USO1: variants seen among roughly 807,000 people sequenced by gnomAD.
USO1 encodes USO1 vesicle transport factor.
Under a neutral mutation model 124.5 loss-of-function variants are expected in USO1, and 57 were observed. The observed-to-expected ratio is 0.46, with a 90% confidence interval of 0.37 to 0.57. The LOEUF (loss-of-function observed/expected upper bound fraction) is 0.57, where lower values mean the gene tolerates loss of function less well. Among genes scored for constraint, USO1 ranks in the 20% least tolerant of loss-of-function variants. The pLI, the probability that USO1 is intolerant of heterozygous loss-of-function variation, is 0.00. For synonymous variants in USO1, 369 were observed against 362.8 expected (o/e 1.02, Z -0.19); for missense variants, 900 against 1,040.6 (o/e 0.86, Z 1.86).
chr4:75,737,073 A>G (rs1720813269), intron 1 of USO1, among the ~76,000 whole-genome samples: 1 of 152,202 alleles, frequency 6.6e-6, no homozygotes, highest in African/African-American at 2.4e-5. Context: ...AAATCCAGCC[A>G]GTTATTGCCT....
chr4:75,740,102 G>A (rs1277095479), intron 1 of USO1, among the ~76,000 whole-genome samples: 1 of 152,122 alleles, frequency 6.6e-6, no homozygotes, highest in Admixed American at 6.6e-5. Flanking sequence ...GGAAGACAGA[G>A]GCAGGAGGAC....
At chr4:75,748,859 A>G (rs889972494) in intron 1 of USO1, among the ~76,000 whole-genome samples, 1 of 152,136 alleles carries the variant, frequency 6.6e-6, no homozygotes, top group Non-Finnish European at 1.5e-5. Flanking sequence ...TGCTTTGGAA[A>G]ACTATTTTGA....
intron 10 of USO1, among the ~76,000 whole-genome samples, chr4:75,789,742 C>T (rs1470491306): frequency 6.6e-6 from 1 of 151,850 alleles, no homozygotes; most frequent in Non-Finnish European, 1.5e-5. Context: ...TTTTTTAACT[C>T]TTTAAATTTG....
At chr4:75,749,632 A>C (rs921508614) in intron 1 of USO1, among the ~76,000 whole-genome samples, 5 of 151,864 alleles carry the variant, frequency 3.3e-5, no homozygotes, top group Non-Finnish European at 7.4e-5. Flanking sequence ...CTCCTGGCCT[A>C]AAGTACATTC....
intron 1 of USO1, among the ~76,000 whole-genome samples, chr4:75,742,575 A>G (rs1010437067): frequency 2.0e-5 from 3 of 152,212 alleles, no homozygotes; most frequent in Non-Finnish European, 2.9e-5. Flanking sequence ...GAAATTTTGG[A>G]AAAGTTACTT....
chr4:75,777,476 G>A (rs1044014687), intron 8 of USO1, among the ~76,000 whole-genome samples: 1 of 152,158 alleles, frequency 6.6e-6, no homozygotes, highest in South Asian at 2.1e-4. Flanking sequence ...AATATATTTA[G>A]AACTCTTAAA....
In USO1 at chr4:75,760,852, T is replaced by C. The variant is rs1006019058; in HGVS notation, c.295+3279T>C. ...ATTCTAGTGCACCTTTAAATAAAAT[T>C]AAAGGTTTTTCTGGCCAGGCGTGGT... is the stretch of plus-strand genomic sequence containing the variant. On this transcript the variant is annotated intron_variant, in intron 4 of 23. Coordinates refer to ENST00000514213, the MANE Select transcript of USO1 (RefSeq NM_003715.4). 3.9e-5 allele frequency among the ~76,000 whole-genome samples: 6 copies of C among 152,152 alleles called. No individual in the cohort carries two copies. The South Asian group carries it at 1.2e-3, about 32-fold the overall frequency.
At chr4:75,789,909 C>T (rs1300996465) in intron 10 of USO1, among the ~76,000 whole-genome samples, 5 of 151,868 alleles carry the variant, frequency 3.3e-5, no homozygotes, top group African/African-American at 1.2e-4. Context: ...GGAAGTGTTA[C>T]AAGATTATAA....
intron 4 of USO1, among the ~76,000 whole-genome samples, chr4:75,766,555 A>G (rs1721774877): frequency 6.6e-6 from 1 of 152,224 alleles, no homozygotes; most frequent in African/African-American, 2.4e-5. Context: ...TCATACAACA[A>G]AGACGTACCT....
At chr4:75,791,467 T>A (rs1227118291) in intron 12 of USO1, among the ~76,000 whole-genome samples, 1 of 152,154 alleles carries the variant, frequency 6.6e-6, no homozygotes, top group Non-Finnish European at 1.5e-5. Context: ...GAGGTTGCAG[T>A]GAGCTGAGAT....
intron 12 of USO1, among the ~76,000 whole-genome samples, chr4:75,793,014 A>G (rs536809636): frequency 6.0e-4 from 92 of 152,162 alleles, no homozygotes; most frequent in Non-Finnish European, 1.2e-3. Context: ...GTCTTTACAT[A>G]CCTGGCTTAT....
At chr4:75,760,781 A>G (rs1721583709) in intron 4 of USO1, among the ~76,000 whole-genome samples, 1 of 152,226 alleles carries the variant, frequency 6.6e-6, no homozygotes, top group African/African-American at 2.4e-5. Flanking sequence ...CATTACTATT[A>G]TTTCTGCAGC....
intron 8 of USO1, among the ~76,000 whole-genome samples, chr4:75,782,410 A>G (rs1224918294): frequency 6.6e-6 from 1 of 152,204 alleles, no homozygotes; most frequent in African/African-American, 2.4e-5. Flanking sequence ...TCATTCCTGA[A>G]GAAATGATGT....
At chr4:75,806,434 TCA>T in intron 19 of USO1, 50 bp from the exon 20 acceptor site, 1 of 1,541,370 alleles carries the variant, frequency 6.5e-7, no homozygotes, top group Admixed American at 2.0e-5. Context: ...TTTTTTTTTC[TCA>T]TCTCTTTAGA....
At chr4:75,774,618 AT>A in intron 7 of USO1, 57 bp from the exon 8 acceptor site, 2 of 1,538,854 alleles carry the variant, frequency 1.3e-6, no homozygotes, top group East Asian at 2.3e-5. Context: ...TTTTGAAGTA[AT>A]TTAAAAATGT....
At chr4:75,743,398 TCA>T (rs1398037784) in intron 1 of USO1, among the ~76,000 whole-genome samples, 3 of 152,206 alleles carry the variant, frequency 2.0e-5, no homozygotes, top group African/African-American at 7.2e-5. Context: ...TTACCCTTAC[TCA>T]CACTTCCATC....
chr4:75,796,489 C>A (rs1379495986), intron 13 of USO1, among the ~76,000 whole-genome samples: 1 of 151,812 alleles, frequency 6.6e-6, no homozygotes, highest in East Asian at 1.9e-4. Flanking sequence ...GTGCGCACCA[C>A]CACACCCAGC....
At chr4:75,768,422 T>C (rs1025719934) in intron 4 of USO1, among the ~76,000 whole-genome samples, 2 of 148,706 alleles carry the variant, frequency 1.3e-5, no homozygotes, top group South Asian at 4.4e-4. Context: ...TTTTTGAATT[T>C]TAATTTCCGA....
At chr4:75,752,313 G>A (rs995813130) in intron 1 of USO1, 60 bp from the exon 2 acceptor site, 11 of 396,732 alleles carry the variant, frequency 2.8e-5, no homozygotes, top group Admixed American at 1.3e-4. Flanking sequence ...ATAAATTTAG[G>A]GGACAAAAAT....
Sources: gnomAD v4.1 joint callset for allele counts (sites outside exome capture counted in the v4.1 genomes callset) on GRCh38, gnomAD v4.1.1 for gene constraint, MANE v1.5 for transcripts, NCBI Gene and HGNC (gene_info 2026-07-23, HGNC 2026-07-21) for gene names.